UBE2W: variants seen among roughly 807,000 people sequenced by gnomAD.
UBE2W encodes the protein ubiquitin-conjugating enzyme E2 W.
UBE2W carries 18 observed loss-of-function variants against 27.2 expected under a neutral mutation model. The observed-to-expected ratio is 0.66, with a 90% CI of 0.46 to 0.98. UBE2W has a LOEUF of 0.98. UBE2W is among the 50% of genes least tolerant of loss of function. UBE2W has a pLI of 0.00. For synonymous variants in UBE2W, 53 were observed against 57.2 expected (o/e 0.93, Z 0.33); for missense variants, 90 against 180.2 (o/e 0.50, Z 2.87).
At chr8:73,795,695 A>C (rs1808382294) in intron 5 of UBE2W, 1 of 769,460 alleles carries the variant, frequency 1.3e-6, no homozygotes. Flanking sequence ...CTGGAGTTTA[A>C]AAATAAATCA....
intron 1 of UBE2W, among the ~76,000 whole-genome samples, chr8:73,844,918 C>A (rs1398890499): frequency 1.3e-5 from 2 of 151,884 alleles, no homozygotes; most frequent in African/African-American, 4.8e-5. Flanking sequence ...CGGCAGCCGC[C>A]CGGTCTGGGA....
At position 73,832,589 on chromosome 8, in the gene UBE2W, C is replaced by T. The variant is rs118129068; in HGVS notation, c.16-2117G>A. Among the ~76,000 whole-genome samples the T allele has an allele frequency of 3.3e-3, 502 of 152,278 alleles. 6 individuals carry two copies. The highest frequency in any genetic ancestry group is 0.024 in the Middle Eastern group (7 of 294). The stretch of plus-strand genomic sequence containing the variant: ...GCAGTTATGACGAATAGGCAGTTAC[C>T]TATACAACATCAAGACATCATAGCT... On this transcript the variant is annotated intron_variant, in intron 1 of 5. Transcript: ENST00000602593.
intron 1 of UBE2W, among the ~76,000 whole-genome samples, chr8:73,866,284 A>AT (rs1479673786): frequency 4.1e-4 from 39 of 95,286 alleles, no homozygotes; most frequent in African/African-American, 1.6e-3. Context: ...AAAAAAAAAA[A>AT]AAAAAAATAT....
At chr8:73,834,301 T>C (rs1810216247) in intron 1 of UBE2W, among the ~76,000 whole-genome samples, 1 of 152,230 alleles carries the variant, frequency 6.6e-6, no homozygotes. Context: ...TAAAGACAAA[T>C]TTATGCAAAT....
intron 1 of UBE2W, among the ~76,000 whole-genome samples, chr8:73,837,328 C>T (rs1810351297): frequency 6.6e-6 from 1 of 152,146 alleles, no homozygotes; most frequent in African/African-American, 2.4e-5. Flanking sequence ...GCCTGGCCAA[C>T]ATAGTGAAAC....
At chr8:73,810,272 C>A (rs1287612359) in intron 4 of UBE2W, among the ~76,000 whole-genome samples, 1 of 152,050 alleles carries the variant, frequency 6.6e-6, no homozygotes, top group African/African-American at 2.4e-5. Flanking sequence ...TGGCTTCTAC[C>A]CCATTCAACA....
At chr8:73,783,143 T>C (rs752651314), downstream of UBE2W, among the ~76,000 whole-genome samples, 1 of 152,242 alleles carries the variant, frequency 6.6e-6, no homozygotes, top group Non-Finnish European at 1.5e-5. Flanking sequence ...TTAAGTTCTT[T>C]AAAAATTATA....
downstream of UBE2W, among the ~76,000 whole-genome samples, chr8:73,781,929 C>CTTTTTTTT (rs71269945): frequency 4.2e-5 from 4 of 96,018 alleles, no homozygotes; most frequent in South Asian, 3.8e-4. Context: ...TAAAAGCCTC[C>CTTTTTTTT]TTTTTTTTTT....
At chr8:73,868,669 GA>G (rs1811875547) in intron 1 of UBE2W, among the ~76,000 whole-genome samples, 1 of 144,774 alleles carries the variant, frequency 6.9e-6, no homozygotes, top group Admixed American at 7.0e-5. Context: ...ATGAACTGCA[GA>G]ACACCCAGCT....
intron 1 of UBE2W, among the ~76,000 whole-genome samples, chr8:73,859,139 CT>C (rs1039182916): frequency 2.6e-5 from 4 of 152,092 alleles, no homozygotes; most frequent in African/African-American, 7.2e-5. Context: ...GGATTTTCTT[CT>C]GCCTTTGTCA....
chr8:73,841,197 T>A (rs910623680), intron 1 of UBE2W, among the ~76,000 whole-genome samples: 3 of 152,152 alleles, frequency 2.0e-5, no homozygotes, highest in Non-Finnish European at 2.9e-5. Flanking sequence ...AATAAGTAGA[T>A]ATTATTTTTC....
At chr8:73,794,778 C>T (rs1298752459) in intron 5 of UBE2W, among the ~76,000 whole-genome samples, 5 of 147,156 alleles carry the variant, frequency 3.4e-5, no homozygotes, top group Middle Eastern at 3.5e-3. Context: ...TGGCACACAT[C>T]GGTAGTCTCA....
chr8:73,803,920 C>A (rs544313152), intron 5 of UBE2W, among the ~76,000 whole-genome samples: 26 of 152,096 alleles, frequency 1.7e-4, no homozygotes, highest in Non-Finnish European at 3.5e-4. Flanking sequence ...GCGCCTGCCA[C>A]CACGCCCGGC....
At chr8:73,843,946 G>A (rs995233308) in intron 1 of UBE2W, among the ~76,000 whole-genome samples, 17 of 152,002 alleles carry the variant, frequency 1.1e-4, no homozygotes, top group Non-Finnish European at 2.1e-4. Flanking sequence ...TCAAGACTGC[G>A]CAACTGCACT....
intron 5 of UBE2W, among the ~76,000 whole-genome samples, chr8:73,797,434 A>C (rs1249557665): frequency 1.3e-5 from 2 of 152,246 alleles, no homozygotes; most frequent in East Asian, 3.8e-4. Context: ...GAGATATTTC[A>C]AAGTAGGCAG....
chr8:73,851,947 CTCTT>C (rs1303906114), intron 1 of UBE2W, among the ~76,000 whole-genome samples: 5 of 129,384 alleles, frequency 3.9e-5, no homozygotes, highest in Non-Finnish European at 7.8e-5. Context: ...GACCCAGTCT[CTCTT>C]TTTTTTTTTT....
chr8:73,805,456 A>AAAAAACAAAAAAAACAAAAAAAAC (rs1586455721), intron 5 of UBE2W, among the ~76,000 whole-genome samples, 195 bp downstream of exon 5: 1 of 50,672 alleles, frequency 2.0e-5, no homozygotes, highest in East Asian at 1.3e-3. Flanking sequence ...CTCCATCTCA[A>AAAAAACAAAAAAAACAAAAAAAAC]AAAAAAAAAA....
Position 73,805,664 on chromosome 8 carries a change from T to C in UBE2W, c.429A>G (p.Lys143=), listed in dbSNP as rs1808871122. The C allele has an allele frequency of 6.5e-7, 1 of 1,545,900 alleles. No homozygotes were observed. Among genetic ancestry groups the C allele is most frequent in the Non-Finnish European group, 8.8e-7 (1 of 1,141,218 alleles). The stretch of plus-strand genomic sequence containing the variant: ...CAAACTGCTTACCATGATACCACCA[T>C]TTTGTTTTCTTTGGATTCTTGTTAC... ...RTCNKNPKKT[K]WWYHDDTC Residue 143 remains lysine (K), a synonymous_variant, in exon 5 of 6, where the codon AAA becomes AAG. Coordinates refer to ENST00000602593, the MANE Select transcript of UBE2W (RefSeq NM_018299.6).
In UBE2W at chr8:73,818,616, C is replaced by T. The variant is rs116315879; in HGVS notation, c.210+6531G>A. Among the ~76,000 whole-genome samples, 1,468 of 152,274 alleles carry T rather than the reference C, an allele frequency of 9.6e-3. 18 individuals carry two copies. Among genetic ancestry groups the T allele is most frequent in the African/African-American group, 0.033 (1,367 of 41,556 alleles). On this transcript the variant is annotated intron_variant, in intron 3 of 5. Transcript: ENST00000602593. The stretch of plus-strand genomic sequence containing the variant: ...CTAATACAGTTTGGATGTTTGTCCC[C>T]TCCAAATCTCATGTTGAAATGTAAC...
Sources: allele counts gnomAD v4.1 joint callset (sites outside exome capture counted in the v4.1 genomes callset), GRCh38; gene constraint gnomAD v4.1.1; transcripts MANE v1.5; gene names NCBI Gene and HGNC (gene_info 2026-07-23, HGNC 2026-07-21).